PTCHD4: variants seen among roughly 807,000 people sequenced by gnomAD.
The protein encoded by PTCHD4 is patched domain containing 4, also known as patched domain-containing protein 4.
Under a neutral mutation model 58.1 loss-of-function variants are expected in PTCHD4, and 33 were observed. The observed-to-expected ratio is 0.57, with a 90% confidence interval of 0.43 to 0.76. The LOEUF is 0.76. Among genes scored for constraint, PTCHD4 ranks in the 30% least tolerant of loss-of-function variants. PTCHD4 has a pLI of 0.00. For missense variants in PTCHD4, 1,058 were observed against 1,027.1 expected (o/e 1.03, Z -0.41); for synonymous variants, 478 against 409.6 (o/e 1.17, Z -2.02).
At chr6:48,087,790 T>C (rs1418886868) in intron 1 of PTCHD4, among the ~76,000 whole-genome samples, 1 of 152,224 alleles carries the variant, frequency 6.6e-6, no homozygotes, top group Non-Finnish European at 1.5e-5. Context: ...TTGTGTGAAC[T>C]CTCCTTTCCT....
rs538644884 is a variant in PTCHD4 at position 47,917,698 on chromosome 6, T to A, written c.899-37762A>T. On this transcript the variant is annotated intron_variant, in intron 4 of 4. Transcript: ENST00000339488. Reference sequence around the variant, plus strand: ...TTGCCAAATGAATGTACAGTATATATGTCTCCTATGTGGAGTTATTGGAAG... The same window carrying A: ...TTGCCAAATGAATGTACAGTATATAAGTCTCCTATGTGGAGTTATTGGAAG... Among the ~76,000 whole-genome samples, 5 of 152,266 alleles carry A rather than the reference T, an allele frequency of 3.3e-5. No homozygotes were observed. In the South Asian group the frequency reaches 1.0e-3, roughly 32 times the overall value.
chr6:48,058,830 C>T (rs1764510393), intron 3 of PTCHD4, among the ~76,000 whole-genome samples: 1 of 152,174 alleles, frequency 6.6e-6, no homozygotes, highest in East Asian at 1.9e-4. Flanking sequence ...TAATGACCTG[C>T]AGGCAGCTCC....
At chr6:48,060,860 CG>C in intron 3 of PTCHD4, among the ~76,000 whole-genome samples, 1 of 152,204 alleles carries the variant, frequency 6.6e-6, no homozygotes, top group Non-Finnish European at 1.5e-5. Flanking sequence ...AGAGAACCAT[CG>C]ACTGTTCCAA....
At chr6:47,912,868 C>G (rs963892823) in intron 4 of PTCHD4, among the ~76,000 whole-genome samples, 1 of 152,072 alleles carries the variant, frequency 6.6e-6, no homozygotes, top group African/African-American at 2.4e-5. Flanking sequence ...ACTCCTGTTT[C>G]TCCCTCCTCT....
intron 4 of PTCHD4, among the ~76,000 whole-genome samples, chr6:47,967,545 T>A (rs1767339126): frequency 1.3e-5 from 2 of 152,246 alleles, no homozygotes; most frequent in South Asian, 4.1e-4. Context: ...TCTTTAGCTA[T>A]GAAAGTCCTA....
chr6:48,043,653 G>A (rs1170986342), intron 3 of PTCHD4, among the ~76,000 whole-genome samples: 2 of 151,876 alleles, frequency 1.3e-5, no homozygotes, highest in East Asian at 3.9e-4. Flanking sequence ...TCAAATGCCT[G>A]TGCTTGCTGT....
Position 48,008,929 on chromosome 6 carries a change from C to T in PTCHD4, c.603G>A (p.Lys201=). 6.2e-7 allele frequency: 1 copy of T among 1,613,988 alleles called. No individual in the cohort carries two copies. The highest frequency in any genetic ancestry group is 8.5e-7 in the Non-Finnish European group (1 of 1,179,886). Residue 201 remains lysine, a synonymous_variant, in exon 4 of 5, where the codon AAG becomes AAA. Transcript: ENST00000339488. The part of the protein sequence containing the change: ...WENEFCKLIR[K]LQEEHQELQL... ...GGAGTTCTTGATGCTCCTCCTGGAG[C>T]TTCCTTATAAGCTTACAGAACTCAT...
At chr6:48,109,826 A>T (rs1319017730) in intron 1 of PTCHD4, among the ~76,000 whole-genome samples, 1 of 152,108 alleles carries the variant, frequency 6.6e-6, no homozygotes, top group Non-Finnish European at 1.5e-5. Flanking sequence ...GGTATGTAAA[A>T]ATTCGTCAAC....
At chr6:47,960,249 A>C (rs1200794270) in intron 4 of PTCHD4, among the ~76,000 whole-genome samples, 2 of 152,126 alleles carry the variant, frequency 1.3e-5, no homozygotes, top group African/African-American at 4.8e-5. Flanking sequence ...AGGAGATAAG[A>C]TAGAATAACA....
At chr6:47,956,321 T>A (rs2113958032) in intron 4 of PTCHD4, among the ~76,000 whole-genome samples, 1 of 152,354 alleles carries the variant, frequency 6.6e-6, no homozygotes, top group Admixed American at 6.5e-5. Context: ...CCAAACTTCC[T>A]CATAAGATAG....
intron 4 of PTCHD4, among the ~76,000 whole-genome samples, chr6:48,004,227 A>G (rs1195706170): frequency 6.6e-6 from 1 of 152,186 alleles, no homozygotes; most frequent in African/African-American, 2.4e-5. Context: ...AGTTTGGAAA[A>G]ATGAGTGAAA....
chr6:48,019,683 C>T (rs893309686), intron 3 of PTCHD4, among the ~76,000 whole-genome samples: 2 of 151,068 alleles, frequency 1.3e-5, no homozygotes, highest in African/African-American at 4.9e-5. Context: ...TTGCACTGAG[C>T]TGAGATGGCA....
intron 4 of PTCHD4, among the ~76,000 whole-genome samples, chr6:47,927,711 G>A (rs1414576404): frequency 6.6e-6 from 1 of 151,934 alleles, no homozygotes; most frequent in Non-Finnish European, 1.5e-5. Flanking sequence ...TTAAATATGA[G>A]AATATTGGAT....
chr6:48,013,337 T>C (rs1570077), intron 3 of PTCHD4, among the ~76,000 whole-genome samples: 27,716 of 151,120 alleles, frequency 0.18, 2,750 homozygotes, highest in South Asian at 0.24. Context: ...TCAATGTTAC[T>C]AACTCTAAAG....
chr6:48,076,007 G>A (rs551381664), intron 1 of PTCHD4, among the ~76,000 whole-genome samples: 20 of 152,162 alleles, frequency 1.3e-4, no homozygotes, highest in African/African-American at 3.9e-4. Flanking sequence ...CACCCACTGC[G>A]GAACTTCTTT....
chr6:48,001,830 G>A lies in PTCHD4; in HGVS notation c.898+6804C>T, dbSNP rs559001821. Reference sequence around the variant, plus strand: ...CATTAGCGTGAACAGGCAACCTACAGAATGGAAGAAAATTTTTGCAATCTA... The same window carrying A: ...CATTAGCGTGAACAGGCAACCTACAAAATGGAAGAAAATTTTTGCAATCTA... On this transcript the variant is annotated intron_variant, in intron 4 of 4. Coordinates refer to ENST00000339488, the MANE Select transcript of PTCHD4 (RefSeq NM_001384253.1). Among the ~76,000 whole-genome samples, 7 of 152,304 alleles carry A rather than the reference G, an allele frequency of 4.6e-5. No homozygotes were observed. In the South Asian group the frequency reaches 1.0e-3, roughly 23 times the overall value.
intron 4 of PTCHD4, among the ~76,000 whole-genome samples, chr6:47,942,655 A>G (rs1303510039): frequency 6.6e-6 from 1 of 152,200 alleles, no homozygotes; most frequent in Non-Finnish European, 1.5e-5. Flanking sequence ...AACAACAACA[A>G]CAACAAATAA....
intron 3 of PTCHD4, among the ~76,000 whole-genome samples, chr6:48,038,185 T>C (rs764906928): frequency 1.3e-5 from 2 of 151,042 alleles, no homozygotes; most frequent in Non-Finnish European, 3.0e-5. Context: ...ATGATGCCTT[T>C]AAATTATCCG....
intron 4 of PTCHD4, among the ~76,000 whole-genome samples, chr6:47,973,594 G>A (rs575859832): frequency 1.3e-5 from 2 of 152,300 alleles, no homozygotes; most frequent in East Asian, 1.9e-4. Context: ...GGAGAAAGGT[G>A]TGCAGTGGGG....
Sources: allele counts gnomAD v4.1 joint callset (sites outside exome capture counted in the v4.1 genomes callset), GRCh38; gene constraint gnomAD v4.1.1; transcripts MANE v1.5; gene names NCBI Gene and HGNC (gene_info 2026-07-23, HGNC 2026-07-21).